Variants in USP34 observed in about 807,000 individuals in gnomAD.
USP34 encodes the protein ubiquitin carboxyl-terminal hydrolase 34.
In USP34, 70 loss-of-function variants were observed where a neutral mutation model predicts 460.3. The ratio of observed to expected loss-of-function variants is 0.15; its 90% CI spans 0.13 to 0.19. USP34 has a LOEUF of 0.19. USP34 is among the 10% of genes least tolerant of loss of function. The probability of loss-of-function intolerance (pLI) is 1.00; values close to 1 mark genes in which losing one functional copy is unlikely to be tolerated. For synonymous variants in USP34, 1,647 were observed against 1,405.3 expected (o/e 1.17, Z -3.85); for missense variants, 3,985 against 4,236.2 (o/e 0.94, Z 1.65).
intron 75 of USP34, among the ~76,000 whole-genome samples, chr2:61,195,906 A>T (rs994197599): frequency 2.0e-5 from 3 of 149,766 alleles, no homozygotes; most frequent in Admixed American, 6.7e-5. Flanking sequence ...ATAATCTTCA[A>T]TTTTTTTTTC....
At chr2:61,272,135 G>A (rs1239483665) in intron 41 of USP34, among the ~76,000 whole-genome samples, 5 of 152,126 alleles carry the variant, frequency 3.3e-5, no homozygotes, top group Admixed American at 3.3e-4. Flanking sequence ...TTCTTGGCCG[G>A]GCACGGCGGC....
intron 72 of USP34, 80 bp from the exon 73 acceptor site, chr2:61,204,681 G>T: frequency 8.8e-7 from 1 of 1,131,760 alleles, no homozygotes; most frequent in Non-Finnish European, 1.3e-6. Context: ...CAAATCCTAT[G>T]ATTGCCTCAC....
chr2:61,460,063 G>C (rs1161111872), intron 1 of USP34, among the ~76,000 whole-genome samples: 2 of 152,022 alleles, frequency 1.3e-5, no homozygotes, highest in Non-Finnish European at 2.9e-5. Context: ...CTCCATCTCA[G>C]AAAAAAGATA....
At chr2:61,295,090 T>C in intron 31 of USP34, 58 bp from the exon 32 acceptor site, 1 of 1,599,202 alleles carries the variant, frequency 6.3e-7, no homozygotes, top group Non-Finnish European at 8.5e-7. Flanking sequence ...TATTATAGAA[T>C]GGAAAAGACA....
At chr2:61,228,200 G>A (rs550659893) in intron 61 of USP34, among the ~76,000 whole-genome samples, 6 of 152,200 alleles carry the variant, frequency 3.9e-5, no homozygotes, top group East Asian at 3.8e-4. Flanking sequence ...GAAAAAGAGT[G>A]CAAGTAGATC....
Position 61,213,911 on chromosome 2 carries a change from A to G in USP34, c.8682+149T>C, listed in dbSNP as rs1224770087. ...ATTTTATAACAACACAGCATTTTAT[A>G]TATGTATTTAAGAAAACAAATACAC... is the stretch of plus-strand genomic sequence containing the variant. On this transcript the variant is annotated intron_variant, in intron 68 of 79. Transcript: ENST00000398571. The G allele has an allele frequency of 7.4e-6, 7 of 951,582 alleles. No individual in the cohort carries two copies. The East Asian group carries it at 1.1e-4, about 14-fold the overall frequency. 58.9% of individuals were successfully genotyped at this position (951,582 alleles called of 1,614,324 possible). A position where few individuals can be genotyped will look rare whatever the true frequency, so the allele number is the denominator to read the frequency against.
At chr2:61,267,756 G>C (rs1488285275) in intron 41 of USP34, among the ~76,000 whole-genome samples, 2 of 152,082 alleles carry the variant, frequency 1.3e-5, no homozygotes, top group Non-Finnish European at 2.9e-5. Context: ...TGGGACTACA[G>C]GCGCCCACCA....
chr2:61,195,328 A>G (rs1458977011), intron 75 of USP34, among the ~76,000 whole-genome samples: 1 of 150,124 alleles, frequency 6.7e-6, no homozygotes, highest in Non-Finnish European at 1.5e-5. Context: ...TACAGGCATG[A>G]GCCATCATAT....
At chr2:61,415,140 C>CCCTGCCTCCAGACCCTAAGGTTCT (rs1331163343) in intron 2 of USP34, among the ~76,000 whole-genome samples, 2 of 152,052 alleles carry the variant, frequency 1.3e-5, no homozygotes, top group Non-Finnish European at 2.9e-5. Flanking sequence ...GCCTTAGGTT[C>CCCTGCCTCCAGACCCTAAGGTTCT]CCTGCCTCCA....
At chr2:61,189,698 C>T (rs1246039557) in intron 78 of USP34, 1 of 152,370 alleles carries the variant, frequency 6.6e-6, no homozygotes, top group African/African-American at 2.4e-5. Context: ...AAAAACAAAC[C>T]TTGAAATCAG....
rs572713788 is a variant in USP34, at chr2:61,266,065, C to G, written c.5536G>C (p.Asp1846His). 3.1e-5 allele frequency: 50 copies of G among 1,613,842 alleles called. No homozygotes were observed. Among genetic ancestry groups the G allele is most frequent in the Admixed American group, 5.0e-5 (3 of 59,996 alleles). Reference sequence around the variant, plus strand: ...CCCTTTACCATCTCTACTAACAAATCGTAAGCGGCAGCTCTTGAAGAATGT... The same window carrying G: ...CCCTTTACCATCTCTACTAACAAATGGTAAGCGGCAGCTCTTGAAGAATGT... The part of the protein sequence containing the change: ...KSHSSRAAAY[D>H]LLVEMVKGSV... The change falls in exon 42 of 80, where the codon GAT (aspartate) becomes CAT (histidine). Residue 1846 changes from aspartate (D) to histidine (H), a missense_variant. Around this residue, in one of 14 missense-constraint regions of USP34, gnomAD observed 1,114 missense variants for 1,122.5 expected, o/e 0.99. Coordinates refer to ENST00000398571, the MANE Select transcript of USP34 (RefSeq NM_014709.4).
chr2:61,244,346 T>C (rs1688362592), intron 51 of USP34, among the ~76,000 whole-genome samples: 1 of 152,194 alleles, frequency 6.6e-6, no homozygotes, highest in South Asian at 2.1e-4. Flanking sequence ...CTAGGTGCCA[T>C]GGCTCACGTC....
At chr2:61,220,270 A>C in intron 67 of USP34, 40 bp downstream of exon 67, 1 of 1,564,126 alleles carries the variant, frequency 6.4e-7, no homozygotes, top group Non-Finnish European at 8.7e-7. Flanking sequence ...ACTTTGAACA[A>C]TAAATAAATG....
chr2:61,375,685 C>T (rs1442177289), intron 8 of USP34, among the ~76,000 whole-genome samples: 7 of 143,398 alleles, frequency 4.9e-5, no homozygotes, highest in South Asian at 4.6e-4. Context: ...AGGAGAATGG[C>T]GTGAATCTGG....
chr2:61,366,495 G>A (rs1009106709), intron 10 of USP34, among the ~76,000 whole-genome samples: 1 of 152,150 alleles, frequency 6.6e-6, no homozygotes, highest in Non-Finnish European at 1.5e-5. Context: ...ATCCACCAGA[G>A]ATCTTCCCTG....
intron 23 of USP34, among the ~76,000 whole-genome samples, chr2:61,316,714 A>C (rs571523977): frequency 1.3e-5 from 2 of 152,020 alleles, no homozygotes; most frequent in South Asian, 4.1e-4. Context: ...GTGAAACCCC[A>C]CCTATACTAA....
At chr2:61,421,951 T>TA (rs1213547251) in intron 1 of USP34, among the ~76,000 whole-genome samples, 3 of 151,754 alleles carry the variant, frequency 2.0e-5, no homozygotes, top group South Asian at 2.1e-4. Context: ...AAAAGGGGTT[T>TA]AAAAAAAAAT....
At chr2:61,391,943 G>A (rs1054186700) in intron 5 of USP34, among the ~76,000 whole-genome samples, 1 of 152,134 alleles carries the variant, frequency 6.6e-6, no homozygotes. Flanking sequence ...TAGTATTATA[G>A]TATTACGGTG....
At chr2:61,297,374 T>C (rs1160752736) in intron 29 of USP34, among the ~76,000 whole-genome samples, 1 of 152,238 alleles carries the variant, frequency 6.6e-6, no homozygotes, top group African/African-American at 2.4e-5. Flanking sequence ...CATTTTCCAG[T>C]CTCAGATGAA....
Sources: gnomAD v4.1 joint callset for allele counts (sites outside exome capture counted in the v4.1 genomes callset) on GRCh38, gnomAD v4.1.1 for gene constraint, gnomAD v4.1.1 regional missense constraint, MANE v1.5 for transcripts, NCBI Gene and HGNC (gene_info 2026-07-23, HGNC 2026-07-21) for gene names.